MICU1: variants seen among roughly 807,000 people sequenced by gnomAD.
MICU1 encodes the protein mitochondrial calcium uptake 1.
In MICU1, 45 loss-of-function variants were observed where a neutral mutation model predicts 56.8. The observed-to-expected ratio is 0.79, with a 90% CI of 0.62 to 1.02. The LOEUF is 1.02. MICU1 is among the 50% of genes least tolerant of loss of function. The pLI is 0.00. For missense variants in MICU1, 504 were observed against 587.1 expected, an observed-to-expected ratio of 0.86 and a Z score of 1.46; for synonymous variants, 186 against 195.1, an observed-to-expected ratio of 0.95 and a Z score of 0.39.
chr10:72,471,770 T>G (rs1865959462), intron 8 of MICU1, among the ~76,000 whole-genome samples: 1 of 152,176 alleles, frequency 6.6e-6, no homozygotes, highest in African/African-American at 2.4e-5. Flanking sequence ...TGGGTATATA[T>G]GCATACTAGG....
intron 6 of MICU1, among the ~76,000 whole-genome samples, chr10:72,488,193 CAAA>C (rs1263516914): frequency 6.6e-5 from 4 of 60,428 alleles, no homozygotes; most frequent in Non-Finnish European, 3.4e-5. Flanking sequence ...AACTCCATCT[CAAA>C]AAAAAAAAAA....
chr10:72,389,491 T>C (rs1862998318), intron 10 of MICU1, among the ~76,000 whole-genome samples: 1 of 152,332 alleles, frequency 6.6e-6, no homozygotes, highest in Admixed American at 6.5e-5. Flanking sequence ...TCTTTTGGCT[T>C]GTCAGATAAT....
intron 6 of MICU1, among the ~76,000 whole-genome samples, chr10:72,493,403 T>C (rs1589275182): frequency 6.6e-6 from 1 of 152,294 alleles, no homozygotes; most frequent in South Asian, 2.1e-4. Flanking sequence ...GATATTTGAG[T>C]TCTTTCTCGT....
At chr10:72,582,172 G>A (rs544576045) in intron 1 of MICU1, among the ~76,000 whole-genome samples, 3 of 152,166 alleles carry the variant, frequency 2.0e-5, no homozygotes, top group East Asian at 1.9e-4. Flanking sequence ...CAGATGACCC[G>A]CCTGCCTCAG....
At chr10:72,473,945 A>C (rs1564889885) in intron 8 of MICU1, among the ~76,000 whole-genome samples, 1 of 151,992 alleles carries the variant, frequency 6.6e-6, no homozygotes, top group Non-Finnish European at 1.5e-5. Flanking sequence ...AATAATATTA[A>C]GGTAGGGCGT....
At chr10:72,452,993 A>G (rs1865345953) in intron 8 of MICU1, among the ~76,000 whole-genome samples, 1 of 152,162 alleles carries the variant, frequency 6.6e-6, no homozygotes, top group African/African-American at 2.4e-5. Context: ...GTGTCCCATT[A>G]TGCCAGTTTG....
chr10:72,524,778 T>G, intron 5 of MICU1: 1 of 1,223,224 alleles, frequency 8.2e-7, no homozygotes, highest in Non-Finnish European at 1.0e-6. Context: ...GAAAAAACAT[T>G]GACATTGTTT....
Position 72,562,938 on chromosome 10 carries a change from G to C in MICU1, c.287C>G (p.Pro96Arg), listed in dbSNP as rs1319094639. ...EKKTADLAPH[P>R]EEKKKKRSGF... The stretch of plus-strand genomic sequence containing the variant: ...AGAACGTTTCTTCTTTTTCTCTTCT[G>C]GGTGAGGGGCAAGATCTGCAGTCTT... The change falls in exon 3 of 12, where the codon CCA (proline) becomes CGA (arginine). Residue 96 changes from proline (P) to arginine (R), a missense_variant. Coordinates refer to ENST00000361114, the MANE Select transcript of MICU1 (RefSeq NM_001195518.2). 4 of 1,605,520 alleles carry C rather than the reference G, an allele frequency of 2.5e-6. No homozygotes were observed. The highest frequency in any genetic ancestry group is 3.4e-6 in the Non-Finnish European group (4 of 1,176,646).
At chr10:72,399,871 T>C (rs940942345) in intron 10 of MICU1, among the ~76,000 whole-genome samples, 70 of 152,172 alleles carry the variant, frequency 4.6e-4, no homozygotes, top group African/African-American at 1.7e-3. Context: ...GGCAGGAGAA[T>C]CGCTTGAGCC....
intron 6 of MICU1, among the ~76,000 whole-genome samples, chr10:72,493,825 A>G (rs781276100): frequency 6.6e-6 from 1 of 152,152 alleles, no homozygotes; most frequent in Non-Finnish European, 1.5e-5. Flanking sequence ...TAGCCTAAAC[A>G]TGTAGAAAAG....
chr10:72,605,677 T>C (rs1022300416), intron 1 of MICU1, among the ~76,000 whole-genome samples: 4 of 152,194 alleles, frequency 2.6e-5, no homozygotes, highest in Non-Finnish European at 4.4e-5. Context: ...ATGAGTAGTT[T>C]AGAGATGATT....
intron 8 of MICU1, among the ~76,000 whole-genome samples, chr10:72,432,105 T>A (rs945801277): frequency 1.3e-4 from 19 of 149,256 alleles, no homozygotes; most frequent in African/African-American, 4.1e-4. Context: ...TTTTTTTTTT[T>A]TAATTTGAGG....
At chr10:72,424,621 A>G (rs1255979991) in intron 8 of MICU1, among the ~76,000 whole-genome samples, 1 of 152,058 alleles carries the variant, frequency 6.6e-6, no homozygotes. Context: ...CTGGCCTCAT[A>G]TAGTCACTAT....
chr10:72,379,002 AT>A (rs1405609933), intron 10 of MICU1, among the ~76,000 whole-genome samples: 3 of 152,042 alleles, frequency 2.0e-5, no homozygotes, highest in South Asian at 2.1e-4. Context: ...AGTATAAGAT[AT>A]TGTGGTGGAT....
chr10:72,551,125 G>C (rs1169161308), intron 4 of MICU1, 54 bp downstream of exon 4: 1 of 1,500,412 alleles, frequency 6.7e-7, no homozygotes, highest in African/African-American at 1.4e-5. Flanking sequence ...AAGAGACAAA[G>C]TAGCCTATAA....
chr10:72,474,341 G>C (rs1564890157), intron 8 of MICU1, among the ~76,000 whole-genome samples: 2 of 146,260 alleles, frequency 1.4e-5, no homozygotes, highest in Non-Finnish European at 3.0e-5. Flanking sequence ...TTTTAAAAAT[G>C]TCAAGAAATT....
chr10:72,468,663 A>G (rs1865866662), intron 8 of MICU1, among the ~76,000 whole-genome samples: 1 of 152,194 alleles, frequency 6.6e-6, no homozygotes, highest in Admixed American at 6.5e-5. Context: ...AAATAGCTGT[A>G]AAATCCAGCA....
At chr10:72,615,385 T>C (rs1841951897) in intron 1 of MICU1, among the ~76,000 whole-genome samples, 1 of 152,186 alleles carries the variant, frequency 6.6e-6, no homozygotes, top group Admixed American at 6.5e-5. Flanking sequence ...CCCAAAGTGC[T>C]GGGATTACAG....
intron 1 of MICU1, among the ~76,000 whole-genome samples, chr10:72,615,629 A>G (rs1257907326): frequency 2.0e-5 from 3 of 152,076 alleles, no homozygotes; most frequent in Non-Finnish European, 4.4e-5. Flanking sequence ...CATCTCAGAC[A>G]TTATAGTTTC....
Sources: gnomAD v4.1 joint callset for allele counts (sites outside exome capture counted in the v4.1 genomes callset) on GRCh38, gnomAD v4.1.1 for gene constraint, MANE v1.5 for transcripts, NCBI Gene and HGNC (gene_info 2026-07-23, HGNC 2026-07-21) for gene names.